TNNT3: variants seen among roughly 807,000 people sequenced by gnomAD.
TNNT3 encodes troponin T3, fast skeletal type, also known as troponin T, fast skeletal muscle.
A neutral mutation model predicts 54.2 loss-of-function variants in TNNT3; 36 were observed. The ratio of observed to expected loss-of-function variants is 0.66; its 90% CI spans 0.51 to 0.88. The LOEUF (loss-of-function observed/expected upper bound fraction) is 0.88. Ranked by LOEUF, TNNT3 falls within the 40% of genes least tolerant of loss-of-function variation. TNNT3 has a pLI of 0.00. For synonymous variants in TNNT3, 120 were observed against 109.7 expected, an observed-to-expected ratio of 1.09 and a Z score of -0.59; for missense variants, 291 against 331.6, an observed-to-expected ratio of 0.88 and a Z score of 0.95.
At position 1,924,305 on chromosome 11, in the gene TNNT3, G is replaced by A. The variant is rs577766410; in HGVS notation, c.49+733G>A. Among the ~76,000 whole-genome samples, 8 of 152,242 alleles carry A rather than the reference G, an allele frequency of 5.3e-5. No individual in the cohort carries two copies. The South Asian group carries it at 1.5e-3, about 28-fold the overall frequency. On this transcript the variant is annotated intron_variant, in intron 4 of 15. Transcript: ENST00000278317. ...GGTGTGGTCTGTGGGCGTCTCCATC[G>A]TGCCCGGGCAGGCGTGGGCGGGTGT...
chr11:1,934,793 T>C (rs1163749697), intron 13 of TNNT3, 36 bp from the exon 14 acceptor site: 1 of 1,608,604 alleles, frequency 6.2e-7, no homozygotes. Context: ...CCTTTGGGGC[T>C]TATTCAACGA....
At chr11:1,932,614 G>T in intron 9 of TNNT3, 100 bp downstream of exon 9, 3 of 1,218,182 alleles carry the variant, frequency 2.5e-6, no homozygotes, top group East Asian at 2.3e-5. Flanking sequence ...AGTAGCCAGA[G>T]CCGGGGCCTC....
intron 14 of TNNT3, 140 bp downstream of exon 14, chr11:1,935,059 C>A (rs1275966847): frequency 2.5e-6 from 2 of 802,520 alleles, no homozygotes; most frequent in Non-Finnish European, 4.3e-6. Flanking sequence ...CAGGCTGTTG[C>A]CACGGACCCC....
chr11:1,926,446 C>T (rs753163858), intron 5 of TNNT3: 243 of 1,613,114 alleles, frequency 1.5e-4, no homozygotes, highest in Non-Finnish European at 2.0e-4. Context: ...GCCTCTTGTT[C>T]CGTGGCCTCC....
At chr11:1,920,098 G>C (rs1849750135) in intron 1 of TNNT3, among the ~76,000 whole-genome samples, 1 of 152,160 alleles carries the variant, frequency 6.6e-6, no homozygotes, top group African/African-American at 2.4e-5. Flanking sequence ...AGAGAGGTGC[G>C]GGCTGTGAGC....
chr11:1,920,985 C>T (rs772506042), intron 1 of TNNT3, among the ~76,000 whole-genome samples: 12 of 152,120 alleles, frequency 7.9e-5, no homozygotes, highest in African/African-American at 1.7e-4. Flanking sequence ...CAGCGCACGT[C>T]GGGGGGCCTG....
intron 7 of TNNT3, 50 bp from the exon 8 acceptor site, chr11:1,929,760 C>T (rs1414716626): frequency 4.0e-5 from 62 of 1,550,192 alleles, no homozygotes; most frequent in Non-Finnish European, 5.3e-5. Context: ...GTCTCTCTCC[C>T]TCTCCCCACG....
intron 4 of TNNT3, chr11:1,924,774 C>G: frequency 1.8e-6 from 1 of 555,604 alleles, no homozygotes; most frequent in South Asian, 2.1e-5. Context: ...CAGGACTTAA[C>G]AAGGGCCCCC....
chr11:1,919,928 T>G (rs1277534852), intron 1 of TNNT3, among the ~76,000 whole-genome samples, 166 bp downstream of exon 1: 2 of 152,076 alleles, frequency 1.3e-5, no homozygotes, highest in African/African-American at 4.8e-5. Context: ...AGCCCCCAGG[T>G]GGCTGCTCCA....
Position 1,934,424 on chromosome 11 carries a change from C to A in TNNT3, c.459C>A (p.Asn153Lys). 3.1e-6 allele frequency: 5 copies of A among 1,613,724 alleles called. No homozygotes were observed. The highest frequency in any genetic ancestry group is 4.2e-6 in the Non-Finnish European group (5 of 1,180,028). The stretch of plus-strand genomic sequence containing the variant: ...AAGCTCTGTCTTCCATGGGAGCCAA[C>A]TACAGCAGCTACCTGGCCAAGGTGT... ...KKKALSSMGA[N>K]YSSYLAKADQ... Residue 153 changes from asparagine to lysine, a missense_variant, in exon 12 of 16, where the codon AAC (asparagine) becomes AAA (lysine). Physicochemically the swap from Asn to Lys is moderately conservative, Grantham distance 94 (BLOSUM62 0). Coordinates refer to ENST00000278317, the MANE Select transcript of TNNT3 (RefSeq NM_006757.4).
At chr11:1,938,283 C>A in intron 15 of TNNT3, 155 bp from the exon 16 acceptor site, 1 of 818,976 alleles carries the variant, frequency 1.2e-6, no homozygotes, top group Non-Finnish European at 2.1e-6. Context: ...GTGGGCACTG[C>A]CCGGACTGAA....
chr11:1,929,889 T>A, intron 8 of TNNT3, 61 bp downstream of exon 8: 1 of 1,536,156 alleles, frequency 6.5e-7, no homozygotes, highest in Non-Finnish European at 8.8e-7. Flanking sequence ...GGTGGTCAAG[T>A]GAGTGTGGGG....
chr11:1,933,621 C>A, intron 9 of TNNT3, 100 bp from the exon 10 acceptor site: 1 of 919,248 alleles, frequency 1.1e-6, no homozygotes, highest in Non-Finnish European at 1.8e-6. Flanking sequence ...CAGGGCTTCT[C>A]TGCTGGGGCA....
chr11:1,925,409 G>A (rs1851297389), intron 5 of TNNT3: 3 of 1,002,016 alleles, frequency 3.0e-6, no homozygotes, highest in East Asian at 5.2e-5. Context: ...CCCACATGTG[G>A]CCCTAATGTA....
In TNNT3 at chr11:1,932,662, C is replaced by A; in HGVS notation, c.171+148C>A. 5.4e-6 allele frequency: 4 copies of A among 744,598 alleles called. No homozygotes were observed. The South Asian group carries it at 5.9e-5, about 11-fold the overall frequency. The allele number at this position is 744,598 out of a possible 1,614,324, so 46.1% of individuals were successfully genotyped here. On this transcript the variant is annotated intron_variant, in intron 9 of 15. Transcript: ENST00000278317. The stretch of plus-strand genomic sequence containing the variant: ...AATTCTACCATAGCTTATTCCTGGG[C>A]CAGAGGAAACCCCTCTAAGAATAAG...
In TNNT3 at chr11:1,925,098, G is replaced by C. The variant is rs1455153401; in HGVS notation, c.50-1G>C. On this transcript the variant is annotated splice_acceptor_variant, in intron 4 of 15. Transcript: ENST00000278317. LOFTEE classifies it high-confidence loss of function. The stretch of plus-strand genomic sequence containing the variant: ...CTGCTCCTGGCTTCTCCGGCTCTCA[G>C]AGGAAGCCCAGGAGGAAGGTAAGTG... The C allele has an allele frequency of 6.2e-7, 1 of 1,612,798 alleles. No homozygotes were observed.
At chr11:1,922,812 C>T in intron 1 of TNNT3, 45 bp from the exon 2 acceptor site, 1 of 1,585,664 alleles carries the variant, frequency 6.3e-7, no homozygotes, top group Non-Finnish European at 8.6e-7. Context: ...TCGTAACTCT[C>T]TTTCCATCCT....
Position 1,926,720 on chromosome 11 carries a change from G to T in TNNT3, c.82+11G>T. 6.2e-7 allele frequency: 1 copy of T among 1,613,028 alleles called. No homozygotes were observed. On this transcript the variant is annotated intron_variant, in intron 6 of 15. Coordinates refer to ENST00000278317, the MANE Select transcript of TNNT3 (RefSeq NM_006757.4). ...AGGAAGTTCAAGAAGGTACGCCGGC[G>T]CTCCCCCGCCTCCAGGCCAGAGTCT...
At chr11:1,936,826 G>A (rs1477577307) in intron 14 of TNNT3, 137 bp from the exon 15 acceptor site, 2 of 843,248 alleles carry the variant, frequency 2.4e-6, no homozygotes, top group African/African-American at 1.7e-5. Context: ...CAGTAAGGGA[G>A]CCGAGGAGCC....
Sources: gnomAD v4.1 joint callset for allele counts (sites outside exome capture counted in the v4.1 genomes callset) on GRCh38, gnomAD v4.1.1 for gene constraint, MANE v1.5 for transcripts, NCBI Gene and HGNC (gene_info 2026-07-23, HGNC 2026-07-21) for gene names.